The following CYP11A1 variants were observed in gnomAD, a reference collection of about 807,000 sequenced individuals.
The protein encoded by CYP11A1 is cholesterol side-chain cleavage enzyme, mitochondrial.
A neutral mutation model predicts 51.9 loss-of-function variants in CYP11A1; 25 were observed. The observed-to-expected ratio is 0.48, with a 90% CI of 0.35 to 0.67. The LOEUF is 0.67. Among genes scored for constraint, CYP11A1 ranks in the 30% least tolerant of loss-of-function variants. The pLI is 0.00. For synonymous variants in CYP11A1, 245 were observed against 262.1 expected (o/e 0.93, Z 0.63); for missense variants, 578 against 680.9 (o/e 0.85, Z 1.68).
chr15:74,342,314 C>A (rs1404775977), intron 5 of CYP11A1, among the ~76,000 whole-genome samples: 2 of 152,162 alleles, frequency 1.3e-5, no homozygotes, highest in South Asian at 4.1e-4. Context: ...GAACTTCTGA[C>A]CTCATGATCC....
intron 2 of CYP11A1, among the ~76,000 whole-genome samples, chr15:74,346,121 G>A (rs1342217743): frequency 1.1e-4 from 16 of 152,116 alleles, no homozygotes; most frequent in Admixed American, 1.0e-3. Context: ...GGGAGACCGA[G>A]GCAGGTGGAT....
intron 1 of CYP11A1, among the ~76,000 whole-genome samples, chr15:74,355,836 C>A (rs1229815510): frequency 6.6e-6 from 1 of 152,206 alleles, no homozygotes; most frequent in Non-Finnish European, 1.5e-5. Flanking sequence ...TATAAAAACC[C>A]AGCCCAGTTC....
chr15:74,344,880 A>G (rs1343204614), intron 3 of CYP11A1, 164 bp downstream of exon 3: 2 of 742,688 alleles, frequency 2.7e-6, no homozygotes, highest in Admixed American at 4.1e-5. Flanking sequence ...GGGTGGTCTT[A>G]AATTGCCTCT....
At position 74,347,953 on chromosome 15, in the gene CYP11A1, C is replaced by A. The variant is rs772188130; in HGVS notation, c.372G>T (p.Pro124=). 1.2e-6 allele frequency: 2 copies of A among 1,614,106 alleles called. No homozygotes were observed. Among genetic ancestry groups the A allele is most frequent in the African/African-American group, 1.3e-5 (1 of 75,026 alleles). The change falls in exon 2 of 9, where the codon CCG becomes CCT. Residue 124 remains proline, a synonymous_variant. Coordinates refer to ENST00000268053, the MANE Select transcript of CYP11A1 (RefSeq NM_000781.3). ...EGPNPERFLI[P]PWVAYHQYYQ... ...AATACTGGTGATAGGCGACCCAGGG[C>A]GGGATGAGGAATCGTTCTGGGTTGG...
At chr15:74,351,392 T>C (rs1222515511) in intron 1 of CYP11A1, among the ~76,000 whole-genome samples, 2 of 152,192 alleles carry the variant, frequency 1.3e-5, no homozygotes, top group East Asian at 1.9e-4. Context: ...CTCATAAATG[T>C]TTCTGGGGGC....
chr15:74,351,996 G>T (rs1201966979), intron 1 of CYP11A1, among the ~76,000 whole-genome samples: 2 of 152,122 alleles, frequency 1.3e-5, no homozygotes, highest in African/African-American at 4.8e-5. Flanking sequence ...CCAAGCTATT[G>T]AATCTTCGTT....
intron 4 of CYP11A1, 88 bp downstream of exon 4, chr15:74,343,701 G>T: frequency 8.2e-7 from 1 of 1,217,920 alleles, no homozygotes; most frequent in South Asian, 1.2e-5. Flanking sequence ...TACAGGTCAA[G>T]TCAGCGCCCA....
At chr15:74,366,110 G>A (rs971541805) in intron 1 of CYP11A1, 273 of 985,476 alleles carry the variant, frequency 2.8e-4, no homozygotes, top group Non-Finnish European at 3.2e-4. Context: ...CCCGCGAAGA[G>A]CGCAGGAGCA....
In CYP11A1 at chr15:74,345,017, C is replaced by T. The variant is rs2060625664; in HGVS notation, c.625+27G>A. ...CTGAGTCCTCCCACCCCCATGCCCA[C>T]TGCCAGCCAGGTGCAAGCCCCCTTA... On this transcript the variant is annotated intron_variant, in intron 3 of 8. Coordinates refer to ENST00000268053, the MANE Select transcript of CYP11A1 (RefSeq NM_000781.3). This position sits in a 1 kb window ranked among gnomAD's most constrained non-coding sequence, Gnocchi z 4.3. The T allele has an allele frequency of 6.2e-7, 1 of 1,609,724 alleles. No homozygotes were observed. The highest frequency in any genetic ancestry group is 8.5e-7 in the Non-Finnish European group (1 of 1,176,028).
At chr15:74,341,643 G>A (rs143619336) in intron 5 of CYP11A1, among the ~76,000 whole-genome samples, 7 of 152,148 alleles carry the variant, frequency 4.6e-5, no homozygotes, top group African/African-American at 1.2e-4. Context: ...CTATTCCTCC[G>A]TTCACACTGC....
At chr15:74,354,586 C>A (rs2060670126) in intron 1 of CYP11A1, 1 of 157,310 alleles carries the variant, frequency 6.4e-6, no homozygotes, top group South Asian at 2.0e-4. Context: ...GGAGATCAAT[C>A]CCCTGTCCTC....
At chr15:74,342,939 CA>C (rs1567052327) in intron 5 of CYP11A1, 37 bp downstream of exon 5, 1 of 1,609,278 alleles carries the variant, frequency 6.2e-7, no homozygotes, top group South Asian at 1.1e-5. Flanking sequence ...CACGTGGGCA[CA>C]GGGGGCAACA....
intron 1 of CYP11A1, among the ~76,000 whole-genome samples, chr15:74,352,977 T>C (rs987116727): frequency 6.6e-6 from 1 of 152,268 alleles, no homozygotes; most frequent in Non-Finnish European, 1.5e-5. Flanking sequence ...GGAAATATGT[T>C]TCTAAAATTG....
chr15:74,341,755 C>T (rs541721563), intron 5 of CYP11A1, among the ~76,000 whole-genome samples: 2 of 152,158 alleles, frequency 1.3e-5, no homozygotes, highest in South Asian at 2.1e-4. Flanking sequence ...GGAGATAGAA[C>T]CTTTAAAGAT....
intron 1 of CYP11A1, chr15:74,365,597 G>C (rs1055987399): frequency 9.7e-6 from 8 of 824,494 alleles, no homozygotes; most frequent in Non-Finnish European, 1.2e-5. Context: ...GTGGGATCTG[G>C]GGAAGGTTGA....
chr15:74,352,264 C>CT (rs34304260), intron 1 of CYP11A1, among the ~76,000 whole-genome samples: 6,741 of 86,046 alleles, frequency 0.078, 581 homozygotes, highest in East Asian at 0.16. Flanking sequence ...TCTTTGCTAT[C>CT]TTTTTTTTTT....
rs750547647 is a variant in CYP11A1 at position 74,343,804 on chromosome 15, C to G, written c.814G>C (p.Val272Leu). The G allele has an allele frequency of 1.2e-6, 2 of 1,612,606 alleles. No individual in the cohort carries two copies. Among genetic ancestry groups the G allele is most frequent in the South Asian group, 2.2e-5 (2 of 91,018 alleles). Residue 272 changes from valine (V) to leucine (L), a missense_variant, in exon 4 of 9, where the codon GTG becomes CTG. Transcript: ENST00000268053. ...AAGCCCTCACCTTTACTGAAAATCA[C>G]GTCCCATGCAGCCACATGGTCCTTC... ...TWKDHVAAWDVIFSKADIYTQ... is the reference protein window; with the variant it reads ...TWKDHVAAWDLIFSKADIYTQ...
intron 6 of CYP11A1, 79 bp downstream of exon 6, chr15:74,339,508 C>T (rs1425728571): frequency 1.9e-5 from 30 of 1,573,008 alleles, no homozygotes; most frequent in Non-Finnish European, 2.4e-5. Flanking sequence ...AGCCCATCCT[C>T]GTAACCCTTT....
At chr15:74,346,049 T>C (rs1243858265) in intron 2 of CYP11A1, among the ~76,000 whole-genome samples, 1 of 152,138 alleles carries the variant, frequency 6.6e-6, no homozygotes, top group Non-Finnish European at 1.5e-5. Context: ...TACTAGTGTT[T>C]AACTTCTTTT....
Sources: gnomAD v4.1 joint callset for allele counts (sites outside exome capture counted in the v4.1 genomes callset) on GRCh38, gnomAD v4.1.1 for gene constraint, Gnocchi (gnomAD v3.1) non-coding constraint, MANE v1.5 for transcripts, NCBI Gene and HGNC (gene_info 2026-07-23, HGNC 2026-07-21) for gene names.